The following CHCHD2 variants were observed in gnomAD, a reference collection of about 807,000 sequenced individuals.
CHCHD2 encodes the protein coiled-coil-helix-coiled-coil-helix domain-containing protein 2.
CHCHD2 carries 17 observed loss-of-function variants against 17.5 expected under a neutral mutation model. That is an observed-to-expected ratio of 0.97 (90% confidence interval 0.67 to 1.46). CHCHD2 has a LOEUF of 1.46. Among genes scored for constraint, CHCHD2 ranks in the 40% most tolerant of loss-of-function variants. The pLI is 0.00. For synonymous variants in CHCHD2, 63 were observed against 74.3 expected (o/e 0.85, Z 0.78); for missense variants, 175 against 199.9 (o/e 0.88, Z 0.75).
At chr7:56,105,762 G>A (rs1562889077) in intron 1 of CHCHD2, among the ~76,000 whole-genome samples, 4 of 152,186 alleles carry the variant, frequency 2.6e-5, no homozygotes, top group Admixed American at 2.6e-4. Context: ...CTGCACTACA[G>A]CCTGAGTTAG....
At chr7:56,103,495 T>C (rs1785323796) in intron 2 of CHCHD2, among the ~76,000 whole-genome samples, 1 of 152,190 alleles carries the variant, frequency 6.6e-6, no homozygotes, top group Non-Finnish European at 1.5e-5. Flanking sequence ...GGTTGCGCTA[T>C]GTTGCCCAGC....
chr7:56,104,155 A>C (rs1358801509), intron 2 of CHCHD2, 71 bp downstream of exon 2: 2 of 1,576,418 alleles, frequency 1.3e-6, no homozygotes, highest in African/African-American at 1.3e-5. Flanking sequence ...CCTACACTTA[A>C]GGAACTTACA....
In CHCHD2 at chr7:56,102,378, C is replaced by T. The variant is rs189953840; in HGVS notation, c.445+489G>A. ...TTTTTTTTTTCTTTTAAATTTGAGA[C>T]AGTGTCTCCCACTGGAGACACCCAG... On this transcript the variant is annotated intron_variant, in intron 3 of 3. Coordinates refer to ENST00000395422, the MANE Select transcript of CHCHD2 (RefSeq NM_016139.4). Among the ~76,000 whole-genome samples, 20 of 146,420 alleles carry T rather than the reference C, an allele frequency of 1.4e-4. 1 individual carries two copies. The highest frequency in any genetic ancestry group is 3.8e-3 in the Middle Eastern group (1 of 266).
Position 56,102,992 on chromosome 7 carries a change from G to C in CHCHD2, c.320C>G (p.Pro107Arg), listed in dbSNP as rs1785317244. Residue 107 changes from proline (P) to arginine (R), a missense_variant, in exon 3 of 4, where the codon CCA becomes CGA. Physicochemically the swap from Pro to Arg is moderately radical, Grantham distance 103. Transcript: ENST00000395422. ...GAGGCAAGGCTGCTGCTGCTGTGCTGGCTGGGTTCCCTGAGGCTCCTGCAA... is the reference window on the plus strand; with the variant it reads ...GAGGCAAGGCTGCTGCTGCTGTGCTCGCTGGGTTCCCTGAGGCTCCTGCAA... The part of the protein sequence containing the change: ...ITYQEPQGTQ[P>R]AQQQQPCLYE... 5 of 1,614,166 alleles carry C rather than the reference G, an allele frequency of 3.1e-6. No homozygotes were observed. Among genetic ancestry groups the C allele is most frequent in the Non-Finnish European group, 4.2e-6 (5 of 1,180,030 alleles).
At chr7:56,103,541 A>T (rs1401143770) in intron 2 of CHCHD2, among the ~76,000 whole-genome samples, 1 of 152,186 alleles carries the variant, frequency 6.6e-6, no homozygotes, top group Non-Finnish European at 1.5e-5. Flanking sequence ...CAATCCCTTC[A>T]CTTCAGCCTC....
chr7:56,106,276 C>G (rs989460315), intron 1 of CHCHD2, 88 bp downstream of exon 1: 1 of 1,318,658 alleles, frequency 7.6e-7, no homozygotes, highest in African/African-American at 1.5e-5. Flanking sequence ...GACCTTAGTT[C>G]ACCCCCGCCC....
chr7:56,101,917 C>T, intron 3 of CHCHD2, 56 bp from the exon 4 acceptor site: 1 of 1,536,438 alleles, frequency 6.5e-7, no homozygotes, highest in Non-Finnish European at 8.9e-7. Context: ...CTCAATAAAA[C>T]AGAAGCCTTC....
At chr7:56,102,804 G>C (rs1293237325) in intron 3 of CHCHD2, 63 bp downstream of exon 3, 13 of 1,561,800 alleles carry the variant, frequency 8.3e-6, no homozygotes, top group Non-Finnish European at 1.1e-5. Context: ...ATTACCCTAA[G>C]TTCTACAGGA....
At chr7:56,103,471 T>G (rs1460257645) in intron 2 of CHCHD2, among the ~76,000 whole-genome samples, 1 of 152,150 alleles carries the variant, frequency 6.6e-6, no homozygotes, top group Non-Finnish European at 1.5e-5. Context: ...AATAAATATT[T>G]TTAGTAAAGA....
intron 1 of CHCHD2, among the ~76,000 whole-genome samples, chr7:56,104,769 G>A (rs534968043): frequency 7.9e-5 from 12 of 151,892 alleles, no homozygotes; most frequent in African/African-American, 2.9e-4. Context: ...GACCACCTCC[G>A]GCTAATTTTT....
In CHCHD2 at chr7:56,104,477, T is replaced by A. The variant is rs1192166202; in HGVS notation, c.51-2A>T. ...GCAGCTCTCATCTGAGGGGCCCGGC[T>A]GTGAAAGAAAAGAAAAAAACATCAA... is the stretch of plus-strand genomic sequence containing the variant. On this transcript the variant is annotated splice_acceptor_variant, in intron 1 of 3. Transcript: ENST00000395422. LOFTEE classifies it high-confidence loss of function. 1 of 1,548,664 alleles carries A rather than the reference T, an allele frequency of 6.5e-7. No individual in the cohort carries two copies. Among genetic ancestry groups the A allele is most frequent in the East Asian group, 2.3e-5 (1 of 43,562 alleles).
chr7:56,102,999 T>C lies in CHCHD2; in HGVS notation c.313A>G (p.Thr105Ala). The C allele has an allele frequency of 6.2e-7, 1 of 1,614,170 alleles. No individual in the cohort carries two copies. ...GGCTGCTGCTGCTGTGCTGGCTGGG[T>C]TCCCTGAGGCTCCTGCAAAGGCAAA... ...PDITYQEPQG[T>A]QPAQQQQPCL... Residue 105 changes from threonine (T) to alanine (A), a missense_variant, in exon 3 of 4, where the codon ACC becomes GCC. Physicochemically the swap from Thr to Ala is moderately conservative, Grantham distance 58. Coordinates refer to ENST00000395422, the MANE Select transcript of CHCHD2 (RefSeq NM_016139.4).
At chr7:56,105,828 A>C (rs1785372479) in intron 1 of CHCHD2, among the ~76,000 whole-genome samples, 1 of 152,160 alleles carries the variant, frequency 6.6e-6, no homozygotes, top group African/African-American at 2.4e-5. Flanking sequence ...AAAGATGGTC[A>C]ACTGGGGAAA....
At chr7:56,103,228 C>A (rs1354755843) in intron 2 of CHCHD2, among the ~76,000 whole-genome samples, 2 of 152,156 alleles carry the variant, frequency 1.3e-5, no homozygotes, top group African/African-American at 4.8e-5. Context: ...GCCTGTAATT[C>A]CAACACTTTG....
chr7:56,106,445 T>G lies in CHCHD2; in HGVS notation c.-32A>C, dbSNP rs1022282544. On this transcript the variant is annotated 5_prime_UTR_variant, in exon 1 of 4. Transcript: ENST00000395422. ...TAAGCGACGGCTAGGCCTCCGGACG[T>G]GGGACAACCACCGAAGAGCTAAGCG... The G allele has an allele frequency of 6.2e-7, 1 of 1,610,818 alleles. No individual in the cohort carries two copies. The highest frequency in any genetic ancestry group is 8.5e-7 in the Non-Finnish European group (1 of 1,177,702).
intron 2 of CHCHD2, 25 bp from the exon 3 acceptor site, chr7:56,103,036 T>A (rs1785317900): frequency 6.2e-7 from 1 of 1,613,736 alleles, no homozygotes; most frequent in South Asian, 1.1e-5. Context: ...CATTCAACAT[T>A]GCTGAGAAAG....
At chr7:56,104,732 C>A (rs530476044) in intron 1 of CHCHD2, among the ~76,000 whole-genome samples, 1 of 151,900 alleles carries the variant, frequency 6.6e-6, no homozygotes, top group East Asian at 1.9e-4. Flanking sequence ...CTCAGCCTTC[C>A]GAGTAGCTGG....
Position 56,104,371 on chromosome 7 carries a change from T to A in CHCHD2, c.155A>T (p.Gln52Leu), listed in dbSNP as rs749021838. The change falls in exon 2 of 4, where the codon CAG (glutamine) becomes CTG (leucine). Residue 52 changes from glutamine (Q) to leucine (L), a missense_variant. Physicochemically the swap from Gln to Leu is moderately radical, Grantham distance 113. Transcript: ENST00000395422. ...TGCCATCTGGGCCATCAGACCTGGCTGCCGGGGCGCAGCAGCAGAAGAGCC... is the reference window on the plus strand; with the variant it reads ...TGCCATCTGGGCCATCAGACCTGGCAGCCGGGGCGCAGCAGCAGAAGAGCC... Reference protein sequence around the residue: ...AVGSSAAAPRQPGLMAQMATT... With the variant: ...AVGSSAAAPRLPGLMAQMATT... 1.9e-6 allele frequency: 3 copies of A among 1,612,652 alleles called. No homozygotes were observed. In the African/African-American group the frequency reaches 4.0e-5, roughly 22 times the overall value.
At chr7:56,104,635 TTCGC>T (rs994210734) in intron 1 of CHCHD2, among the ~76,000 whole-genome samples, 160 bp from the exon 2 acceptor site, 2 of 152,070 alleles carry the variant, frequency 1.3e-5, no homozygotes, top group African/African-American at 2.4e-5. Flanking sequence ...GAGATGGAGC[TTCGC>T]TCTTGTTGCC....
Sources: gnomAD v4.1 joint callset for allele counts (sites outside exome capture counted in the v4.1 genomes callset) on GRCh38, gnomAD v4.1.1 for gene constraint, MANE v1.5 for transcripts, NCBI Gene and HGNC (gene_info 2026-07-23, HGNC 2026-07-21) for gene names.